ZNF704: variants seen among roughly 807,000 people sequenced by gnomAD.
ZNF704 encodes the protein zinc finger protein 704, also known as glucocorticoid induced gene 1.
Under a neutral mutation model 44.7 loss-of-function variants are expected in ZNF704, and 10 were observed. The observed-to-expected ratio is 0.22, with a 90% CI of 0.14 to 0.38. The LOEUF is 0.38. Ranked by LOEUF, ZNF704 falls within the 10% of genes least tolerant of loss-of-function variation. The probability of loss-of-function intolerance (pLI) is 1.00; values close to 1 mark genes in which losing one functional copy is unlikely to be tolerated. For missense variants in ZNF704, 390 were observed against 545.5 expected (o/e 0.71, Z 2.84); for synonymous variants, 211 against 207.6 (o/e 1.02, Z -0.14).
At chr8:80,681,677 A>G (rs188436781) in intron 4 of ZNF704, among the ~76,000 whole-genome samples, 2 of 152,334 alleles carry the variant, frequency 1.3e-5, no homozygotes, top group Admixed American at 1.3e-4. Context: ...CCAAACAACA[A>G]AACGATTTCT....
rs183177729 is a variant in ZNF704, at chr8:80,753,653, A to G, written c.222-60546T>C. Among the ~76,000 whole-genome samples, 110 of 152,248 alleles carry G rather than the reference A, an allele frequency of 7.2e-4. 1 individual carries two copies. The highest frequency in any genetic ancestry group is 2.6e-3 in the African/African-American group (108 of 41,530). On this transcript the variant is annotated intron_variant, in intron 2 of 8. Transcript: ENST00000327835. ...AATTCTAACGAGTAAAATGTGTCCT[A>G]CTCTCTAAGGGGACATTTTATAAAG...
intron 1 of ZNF704, among the ~76,000 whole-genome samples, chr8:80,865,044 C>T (rs994003405): frequency 3.3e-5 from 5 of 152,156 alleles, no homozygotes; most frequent in Admixed American, 3.3e-4. Context: ...TGACGGAACA[C>T]CACAGAGCTC....
At chr8:80,730,827 A>G (rs922779974) in intron 2 of ZNF704, among the ~76,000 whole-genome samples, 6 of 152,202 alleles carry the variant, frequency 3.9e-5, no homozygotes, top group Admixed American at 3.9e-4. Context: ...CATGAGTTGA[A>G]TTAGTTATAA....
chr8:80,685,863 T>C (rs558624170), intron 4 of ZNF704, among the ~76,000 whole-genome samples: 145 of 152,212 alleles, frequency 9.5e-4, no homozygotes, highest in Non-Finnish European at 1.3e-3. Flanking sequence ...TGTTTTCCTC[T>C]TTGAAATGAA....
At chr8:80,706,205 A>G (rs970001795) in intron 2 of ZNF704, among the ~76,000 whole-genome samples, 20 of 152,176 alleles carry the variant, frequency 1.3e-4, no homozygotes, top group African/African-American at 4.8e-4. Flanking sequence ...TGGAGCCTCA[A>G]ATCCACTTAA....
chr8:80,859,196 T>C (rs1432068489), intron 1 of ZNF704, among the ~76,000 whole-genome samples: 1 of 152,216 alleles, frequency 6.6e-6, no homozygotes, highest in East Asian at 1.9e-4. Flanking sequence ...CATTGTGGGA[T>C]ATCCTTCTTC....
intron 2 of ZNF704, among the ~76,000 whole-genome samples, chr8:80,724,778 C>T (rs1278772350): frequency 6.6e-6 from 1 of 152,180 alleles, no homozygotes. Context: ...CACTCATTGT[C>T]TCTCTGCCGA....
rs114288608 is a variant in ZNF704, at chr8:80,689,470, G to A, written c.326-2012C>T. On this transcript the variant is annotated intron_variant, in intron 3 of 8. Coordinates refer to ENST00000327835, the MANE Select transcript of ZNF704 (RefSeq NM_001033723.3). Reference sequence around the variant, plus strand: ...CTGCAGTCTACACAGAGACTGATACGCTCACCAGACTAGATTTGCCTATTG... The same window carrying A: ...CTGCAGTCTACACAGAGACTGATACACTCACCAGACTAGATTTGCCTATTG... Among the ~76,000 whole-genome samples the A allele has an allele frequency of 6.4e-3, 968 of 152,210 alleles. 11 individuals are homozygous for A. The highest frequency in any genetic ancestry group is 0.022 in the African/African-American group (920 of 41,538).
At chr8:80,852,048 T>C (rs2130003511) in intron 1 of ZNF704, among the ~76,000 whole-genome samples, 1 of 152,212 alleles carries the variant, frequency 6.6e-6, no homozygotes, top group South Asian at 2.1e-4. Context: ...ATCTAGAGGG[T>C]AATCCCACTC....
intron 2 of ZNF704, among the ~76,000 whole-genome samples, chr8:80,744,764 AT>A (rs1806817791): frequency 6.6e-6 from 1 of 152,342 alleles, no homozygotes; most frequent in African/African-American, 2.4e-5. Context: ...GCCAGAAGTA[AT>A]GAGGAGACAC....
At chr8:80,737,887 A>G (rs1484705491) in intron 2 of ZNF704, among the ~76,000 whole-genome samples, 1 of 152,120 alleles carries the variant, frequency 6.6e-6, no homozygotes, top group Non-Finnish European at 1.5e-5. Flanking sequence ...CAGATTCACC[A>G]ATGTTTTCAT....
chr8:80,861,092 T>C (rs1340979400), intron 1 of ZNF704, among the ~76,000 whole-genome samples: 2 of 152,222 alleles, frequency 1.3e-5, no homozygotes, highest in South Asian at 4.1e-4. Flanking sequence ...CAAGACTGTC[T>C]AGTAGCATGC....
intron 7 of ZNF704, among the ~76,000 whole-genome samples, chr8:80,650,211 G>GC (rs1554568921): frequency 6.6e-6 from 1 of 152,024 alleles, no homozygotes; most frequent in African/African-American, 2.4e-5. Flanking sequence ...CAAAGATGGG[G>GC]AAAAAACAGC....
intron 2 of ZNF704, among the ~76,000 whole-genome samples, chr8:80,805,857 T>G (rs1339612339): frequency 6.6e-6 from 1 of 152,212 alleles, no homozygotes; most frequent in Non-Finnish European, 1.5e-5. Context: ...CCTGTACGTC[T>G]GCAGACAGCA....
chr8:80,803,103 AAAT>A (rs1807929412), intron 2 of ZNF704, among the ~76,000 whole-genome samples: 1 of 152,152 alleles, frequency 6.6e-6, no homozygotes, highest in Admixed American at 6.6e-5. Context: ...TGCTACAAAA[AAAT>A]AAAATACCTA....
intron 1 of ZNF704, among the ~76,000 whole-genome samples, chr8:80,846,135 G>T (rs1014087737): frequency 6.6e-5 from 10 of 151,992 alleles, no homozygotes; most frequent in African/African-American, 2.2e-4. Context: ...CCAGTTTTTT[G>T]ATTTTGTAGA....
chr8:80,662,453 C>A (rs1429494569), intron 6 of ZNF704, among the ~76,000 whole-genome samples: 2 of 152,036 alleles, frequency 1.3e-5, no homozygotes, highest in Admixed American at 6.5e-5. Flanking sequence ...TAAGTTAGTA[C>A]CCAGGATTTC....
chr8:80,766,884 T>G (rs566307560), intron 2 of ZNF704, among the ~76,000 whole-genome samples: 15 of 152,206 alleles, frequency 9.9e-5, no homozygotes, highest in African/African-American at 3.4e-4. Flanking sequence ...GGCTAATTTT[T>G]GTATTTTTAG....
At chr8:80,717,759 AT>A (rs1229856868) in intron 2 of ZNF704, among the ~76,000 whole-genome samples, 1 of 152,056 alleles carries the variant, frequency 6.6e-6, no homozygotes, top group Non-Finnish European at 1.5e-5. Flanking sequence ...CCTCCTAGTG[AT>A]CTTGTTGAAA....
Sources: allele counts gnomAD v4.1 joint callset (sites outside exome capture counted in the v4.1 genomes callset), GRCh38; gene constraint gnomAD v4.1.1; transcripts MANE v1.5; gene names NCBI Gene and HGNC (gene_info 2026-07-23, HGNC 2026-07-21).